The following C16orf78 variants were observed in gnomAD, a reference collection of about 807,000 sequenced individuals.
The protein encoded by C16orf78 is uncharacterized protein C16orf78.
A neutral mutation model predicts 27.3 loss-of-function variants in C16orf78; 19 were observed. The ratio of observed to expected loss-of-function variants is 0.70; its 90% CI spans 0.49 to 1.02. The LOEUF (loss-of-function observed/expected upper bound fraction) is 1.02. Among genes scored for constraint, C16orf78 ranks in the 50% least tolerant of loss-of-function variants. C16orf78 has a pLI of 0.00. For missense variants in C16orf78, 339 were observed against 337.0 expected (o/e 1.01, Z -0.05); for synonymous variants, 130 against 116.1 (o/e 1.12, Z -0.77).
At position 49,377,881 on chromosome 16, in the gene C16orf78, C is replaced by G. The variant is rs200030030; in HGVS notation, c.270+31C>G. 3.2e-5 allele frequency: 50 copies of G among 1,552,158 alleles called. No homozygotes were observed. The Admixed American group carries it at 9.2e-4, about 29-fold the overall frequency. On this transcript the variant is annotated intron_variant, in intron 2 of 4. Coordinates refer to ENST00000299191, the MANE Select transcript of C16orf78 (RefSeq NM_144602.4). The stretch of plus-strand genomic sequence containing the variant: ...GCAGCCCCTCTTCCCCCACTCACCC[C>G]CACTGGGTCTCCAAATGGAGGAGGG...
In C16orf78 at chr16:49,373,890, G is replaced by C. The variant is rs369280680; in HGVS notation, c.-50G>C. On this transcript the variant is annotated 5_prime_UTR_variant, in exon 1 of 5. Coordinates refer to ENST00000299191, the MANE Select transcript of C16orf78 (RefSeq NM_144602.4). ...AAGTCCAGACAAAGGGATCGAAAGA[G>C]TGAGACAGTGCCAGCCACCTCCCAC... is the stretch of plus-strand genomic sequence containing the variant. The C allele has an allele frequency of 5.0e-6, 8 of 1,607,070 alleles. No homozygotes were observed. In the South Asian group the frequency reaches 8.9e-5, roughly 18 times the overall value.
intron 3 of C16orf78, among the ~76,000 whole-genome samples, chr16:49,382,248 A>C (rs1028669633): frequency 1.3e-5 from 2 of 151,806 alleles, no homozygotes; most frequent in Non-Finnish European, 2.9e-5. Flanking sequence ...GGAACGTCAC[A>C]CTCTGGGGAC....
At chr16:49,389,013 C>T (rs1336018906) in intron 3 of C16orf78, among the ~76,000 whole-genome samples, 4 of 152,150 alleles carry the variant, frequency 2.6e-5, no homozygotes, top group South Asian at 2.1e-4. Context: ...TCTTCACGTG[C>T]GTTTCTAACT....
intron 3 of C16orf78, among the ~76,000 whole-genome samples, chr16:49,378,991 G>A (rs757596548): frequency 3.3e-5 from 5 of 152,172 alleles, no homozygotes; most frequent in Non-Finnish European, 7.3e-5. Flanking sequence ...AAACCTGCCA[G>A]GGGTTGCTCA....
intron 3 of C16orf78, among the ~76,000 whole-genome samples, chr16:49,383,109 T>A (rs1965307865): frequency 6.6e-6 from 1 of 152,196 alleles, no homozygotes; most frequent in Non-Finnish European, 1.5e-5. Context: ...TCTCCTGATG[T>A]AATAAGACCA....
rs1193923443 is a variant in C16orf78, at chr16:49,381,927, G to T, written c.394+3334G>T. On this transcript the variant is annotated intron_variant, in intron 3 of 4. Transcript: ENST00000299191. ...TCCCATTACTGGGTATATACCCAAA[G>T]GACTATAAATCATGCTGCTATAAAG... Among the ~76,000 whole-genome samples the T allele has an allele frequency of 2.0e-5, 3 of 151,300 alleles. No individual in the cohort carries two copies. The East Asian group carries it at 5.8e-4, about 29-fold the overall frequency.
At chr16:49,395,423 T>A (rs1965459332) in intron 3 of C16orf78, among the ~76,000 whole-genome samples, 1 of 152,018 alleles carries the variant, frequency 6.6e-6, no homozygotes, top group Non-Finnish European at 1.5e-5. Context: ...AACATAAATT[T>A]GTAAACTTTC....
At chr16:49,377,882 C>G (rs371304670) in intron 2 of C16orf78, 32 bp downstream of exon 2, 1 of 1,551,538 alleles carries the variant, frequency 6.4e-7, no homozygotes, top group African/African-American at 1.4e-5. Flanking sequence ...CACTCACCCC[C>G]ACTGGGTCTC....
chr16:49,380,740 T>A (rs1224995330), intron 3 of C16orf78, among the ~76,000 whole-genome samples: 1 of 152,220 alleles, frequency 6.6e-6, no homozygotes, highest in Non-Finnish European at 1.5e-5. Context: ...TGCCTAAGTT[T>A]TCTTCTAGGG....
At chr16:49,393,020 G>A (rs1965431136) in intron 3 of C16orf78, among the ~76,000 whole-genome samples, 1 of 152,202 alleles carries the variant, frequency 6.6e-6, no homozygotes, top group Non-Finnish European at 1.5e-5. Flanking sequence ...GTGCTGCCAT[G>A]TAAGATGTCC....
At chr16:49,392,276 T>A (rs1168587368) in intron 3 of C16orf78, among the ~76,000 whole-genome samples, 1 of 152,184 alleles carries the variant, frequency 6.6e-6, no homozygotes, top group Non-Finnish European at 1.5e-5. Context: ...CTCACATAAG[T>A]CACTATCAAA....
At chr16:49,377,257 TGG>T (rs2151610345) in intron 1 of C16orf78, among the ~76,000 whole-genome samples, 1 of 151,934 alleles carries the variant, frequency 6.6e-6, no homozygotes, top group South Asian at 2.1e-4. Flanking sequence ...GAAGACAGGA[TGG>T]GGTGGGCCTG....
chr16:49,386,446 A>T (rs924998920), intron 3 of C16orf78, among the ~76,000 whole-genome samples: 1 of 152,208 alleles, frequency 6.6e-6, no homozygotes, highest in Non-Finnish European at 1.5e-5. Flanking sequence ...TGGGACCACA[A>T]GTCATTTTTT....
rs1020101242 is a variant in C16orf78, at chr16:49,378,531, A to G, written c.332A>G (p.Gln111Arg). 2 of 1,612,848 alleles carry G rather than the reference A, an allele frequency of 1.2e-6. No homozygotes were observed. Among genetic ancestry groups the G allele is most frequent in the East Asian group, 2.2e-5 (1 of 44,866 alleles). ...TACCGAAGCCTCTATGGAGTGGAGCAAAAGGGGAAACACCTCAGCATGGTC... is the reference window on the plus strand; with the variant it reads ...TACCGAAGCCTCTATGGAGTGGAGCGAAAGGGGAAACACCTCAGCATGGTC... The part of the protein sequence containing the change: ...ASYRSLYGVE[Q>R]KGKHLSMVPG... Residue 111 changes from glutamine to arginine, a missense_variant, in exon 3 of 5, where the codon CAA (glutamine) becomes CGA (arginine). Gln to Arg is a conservative substitution (Grantham distance 43, BLOSUM62 1). Coordinates refer to ENST00000299191, the MANE Select transcript of C16orf78 (RefSeq NM_144602.4).
At chr16:49,386,434 T>C (rs1472599331) in intron 3 of C16orf78, among the ~76,000 whole-genome samples, 2 of 152,230 alleles carry the variant, frequency 1.3e-5, no homozygotes, top group Non-Finnish European at 2.9e-5. Context: ...AGTGATCATA[T>C]GTGGGACCAC....
intron 4 of C16orf78, 118 bp from the exon 5 acceptor site, chr16:49,399,013 G>A: frequency 1.8e-6 from 2 of 1,107,164 alleles, no homozygotes; most frequent in Non-Finnish European, 2.6e-6. Context: ...GACTGGGAGA[G>A]ACAGCCCCTT....
intron 3 of C16orf78, among the ~76,000 whole-genome samples, chr16:49,384,346 C>CAAAAAAAAAAAAAA (rs771147270): frequency 2.0e-5 from 1 of 50,966 alleles, no homozygotes; most frequent in African/African-American, 6.9e-5. Context: ...AAAACTCCAT[C>CAAAAAAAAAAAAAA]AAAAAAAAAA....
At position 49,396,445 on chromosome 16, in the gene C16orf78, C is replaced by T. The variant is rs1397324951; in HGVS notation, c.417C>T (p.Val139=). The change falls in exon 4 of 5, where the codon GTC becomes GTT. Residue 139 remains valine (V), a synonymous_variant. Coordinates refer to ENST00000299191, the MANE Select transcript of C16orf78 (RefSeq NM_144602.4). ...KKSDTDIKDA[V]DPESTQRPNP... is the part of the protein sequence containing the mutation. Reference sequence around the variant, plus strand: ...CAGATACAGACATCAAGGATGCAGTCGACCCAGAGTCCACTCAGCGGCCAA... The same window carrying T: ...CAGATACAGACATCAAGGATGCAGTTGACCCAGAGTCCACTCAGCGGCCAA... 5.0e-6 allele frequency: 8 copies of T among 1,614,098 alleles called. No homozygotes were observed. The highest frequency in any genetic ancestry group is 1.3e-5 in the African/African-American group (1 of 75,028).
chr16:49,382,685 A>G (rs1357494347), intron 3 of C16orf78, among the ~76,000 whole-genome samples: 1 of 152,152 alleles, frequency 6.6e-6, no homozygotes, highest in Admixed American at 6.5e-5. Flanking sequence ...GATGCGAATC[A>G]TGCACTTGTG....
Sources: allele counts gnomAD v4.1 joint callset (sites outside exome capture counted in the v4.1 genomes callset), GRCh38; gene constraint gnomAD v4.1.1; transcripts MANE v1.5; gene names NCBI Gene and HGNC (gene_info 2026-07-23, HGNC 2026-07-21).